ATRNL1: variants seen among roughly 807,000 people sequenced by gnomAD.
The protein encoded by ATRNL1 is attractin-like protein 1.
In ATRNL1, 95 loss-of-function variants were observed where a neutral mutation model predicts 182.7. That is an observed-to-expected ratio of 0.52 (90% CI 0.44 to 0.62). ATRNL1 has a LOEUF of 0.62. Among genes scored for constraint, ATRNL1 ranks in the 20% least tolerant of loss-of-function variants. ATRNL1 has a pLI of 0.00. For synonymous variants in ATRNL1, 576 were observed against 568.3 expected (o/e 1.01, Z -0.19); for missense variants, 1,471 against 1,679.5 (o/e 0.88, Z 2.17).
At chr10:115,903,154 T>C (rs761549671) in intron 28 of ATRNL1, among the ~76,000 whole-genome samples, 28 of 152,236 alleles carry the variant, frequency 1.8e-4, no homozygotes, top group Non-Finnish European at 3.1e-4. Flanking sequence ...ACCAGGGAAT[T>C]AATTATTTAA....
intron 1 of ATRNL1, among the ~76,000 whole-genome samples, chr10:115,108,503 T>A (rs1345986003): frequency 6.6e-6 from 1 of 152,222 alleles, no homozygotes; most frequent in African/African-American, 2.4e-5. Context: ...CAGTGTCTGA[T>A]TTCTGTAGGG....
At chr10:115,157,109 A>C (rs112081417) in intron 5 of ATRNL1, among the ~76,000 whole-genome samples, 21 of 152,314 alleles carry the variant, frequency 1.4e-4, no homozygotes, top group African/African-American at 4.8e-4. Context: ...GAATGTTTAC[A>C]ACACAAATGT....
intron 26 of ATRNL1, among the ~76,000 whole-genome samples, chr10:115,550,911 C>T (rs1378135034): frequency 1.3e-5 from 2 of 151,858 alleles, no homozygotes; most frequent in African/African-American, 4.8e-5. Flanking sequence ...GTTCCCATTG[C>T]ATCCTGAGGA....
chr10:115,315,650 T>C lies in ATRNL1; in HGVS notation c.2951T>C (p.Ile984Thr). The C allele has an allele frequency of 6.2e-7, 1 of 1,613,940 alleles. No homozygotes were observed. Among genetic ancestry groups the C allele is most frequent in the Non-Finnish European group, 8.5e-7 (1 of 1,179,950 alleles). Residue 984 changes from isoleucine (I) to threonine (T), a missense_variant, in exon 18 of 29, where the codon ATT becomes ACT. Transcript: ENST00000355044. ...EGSSRGPMKL[I>T]GMHHSEMVLD... ...TCTTCACGGGGACCAATGAAGCTTA[T>C]TGGAATGCACCACAGTGAGATGGTT...
At chr10:115,563,431 C>G (rs1853881206) in intron 26 of ATRNL1, among the ~76,000 whole-genome samples, 1 of 152,162 alleles carries the variant, frequency 6.6e-6, no homozygotes, top group Non-Finnish European at 1.5e-5. Flanking sequence ...CCTACCACCA[C>G]CCACCTCCCC....
At chr10:115,253,607 T>C (rs1402394710) in intron 10 of ATRNL1, among the ~76,000 whole-genome samples, 2 of 152,148 alleles carry the variant, frequency 1.3e-5, no homozygotes, top group African/African-American at 4.8e-5. Flanking sequence ...ATTTTTTTTA[T>C]TATTATTATG....
At chr10:115,917,230 G>A (rs1382522674) in intron 28 of ATRNL1, among the ~76,000 whole-genome samples, 5 of 151,902 alleles carry the variant, frequency 3.3e-5, no homozygotes, top group Admixed American at 3.3e-4. Flanking sequence ...CAGCGCTTTG[G>A]GAGGCTGAGG....
intron 21 of ATRNL1, among the ~76,000 whole-genome samples, chr10:115,449,932 A>C (rs1847203029): frequency 6.6e-6 from 1 of 152,210 alleles, no homozygotes; most frequent in African/African-American, 2.4e-5. Flanking sequence ...GCAGCACATC[A>C]AAAAGCTAAT....
intron 26 of ATRNL1, among the ~76,000 whole-genome samples, chr10:115,561,696 T>G (rs146688736): frequency 4.9e-5 from 5 of 101,940 alleles, no homozygotes; most frequent in African/African-American, 6.6e-5. Context: ...TGTGGGTGTG[T>G]GTGTGTGGGT....
At chr10:115,737,373 C>CTGCAGTG (rs1947986878) in intron 27 of ATRNL1, among the ~76,000 whole-genome samples, 2 of 150,874 alleles carry the variant, frequency 1.3e-5, no homozygotes, top group African/African-American at 4.9e-5. Context: ...GAGTTCGAGG[C>CTGCAGTG]TGCAGTGAGC....
intron 27 of ATRNL1, among the ~76,000 whole-genome samples, chr10:115,743,461 A>G (rs1948199872): frequency 6.6e-6 from 1 of 152,080 alleles, no homozygotes; most frequent in Non-Finnish European, 1.5e-5. Flanking sequence ...TTCGAAACAA[A>G]AGAAAGAAAT....
At chr10:115,917,886 A>G (rs372239947) in intron 28 of ATRNL1, among the ~76,000 whole-genome samples, 1 of 152,318 alleles carries the variant, frequency 6.6e-6, no homozygotes, top group South Asian at 2.1e-4. Context: ...CTGCTATTGT[A>G]ATTATTAACA....
intron 25 of ATRNL1, 22 bp downstream of exon 25, chr10:115,519,346 CTT>C (rs1850800641): frequency 1.9e-6 from 3 of 1,597,016 alleles, no homozygotes; most frequent in Admixed American, 1.7e-5. Context: ...CTTTGACTGA[CTT>C]TGAACTTTTC....
chr10:115,259,015 TG>T (rs1280359388), intron 10 of ATRNL1, among the ~76,000 whole-genome samples: 1 of 152,108 alleles, frequency 6.6e-6, no homozygotes, highest in Admixed American at 6.5e-5. Context: ...GGCAGCCACC[TG>T]TATGAGGTGT....
chr10:115,447,246 CT>C (rs1847045758), intron 21 of ATRNL1, among the ~76,000 whole-genome samples: 1 of 151,548 alleles, frequency 6.6e-6, no homozygotes, highest in African/African-American at 2.4e-5. Flanking sequence ...TGTTACCAAG[CT>C]TTAATAAAGC....
At chr10:115,525,813 A>G (rs1471278377) in intron 25 of ATRNL1, among the ~76,000 whole-genome samples, 1 of 152,076 alleles carries the variant, frequency 6.6e-6, no homozygotes, top group Admixed American at 6.5e-5. Flanking sequence ...ACCAAAACCA[A>G]TGAGTTTTTA....
chr10:115,678,078 C>G lies in ATRNL1; in HGVS notation c.3796-49170C>G, dbSNP rs369398976. Among the ~76,000 whole-genome samples the G allele has an allele frequency of 2.2e-4, 34 of 152,144 alleles. 3 individuals carry two copies. In the East Asian group the frequency reaches 3.7e-3, roughly 16 times the overall value. ...TCTCAGCCTGCTGTGAAGAAATAAA[C>G]AATCTATGGACCAATATACAGGAGC... On this transcript the variant is annotated intron_variant, in intron 26 of 28. Transcript: ENST00000355044.
chr10:115,250,953 T>C (rs540092829), intron 10 of ATRNL1, among the ~76,000 whole-genome samples: 59 of 152,318 alleles, frequency 3.9e-4, no homozygotes, highest in Non-Finnish European at 6.0e-4. Flanking sequence ...GGAATTAATA[T>C]CATCCTAAGG....
chr10:115,916,872 C>A (rs1425462460), intron 28 of ATRNL1, among the ~76,000 whole-genome samples: 1 of 152,176 alleles, frequency 6.6e-6, no homozygotes, highest in African/African-American at 2.4e-5. Context: ...GTGCTTCCAA[C>A]ACCTCCCTGT....
Sources: allele counts gnomAD v4.1 joint callset (sites outside exome capture counted in the v4.1 genomes callset), GRCh38; gene constraint gnomAD v4.1.1; transcripts MANE v1.5; gene names NCBI Gene and HGNC (gene_info 2026-07-23, HGNC 2026-07-21).